LRP1B: variants seen among roughly 807,000 people sequenced by gnomAD.
LRP1B encodes LDL receptor related protein 1B, also known as low-density lipoprotein receptor-related protein 1B.
LRP1B carries 217 observed loss-of-function variants against 556.6 expected under a neutral mutation model. That is an observed-to-expected ratio of 0.39 (90% CI 0.35 to 0.44). The LOEUF is 0.44. LRP1B is among the 20% of genes least tolerant of loss of function. The pLI is 1.00. For synonymous variants in LRP1B, 2,047 were observed against 1,865.8 expected (o/e 1.10, Z -2.50); for missense variants, 5,053 against 5,620.8 (o/e 0.90, Z 3.23).
intron 7 of LRP1B, among the ~76,000 whole-genome samples, chr2:141,169,363 A>G (rs1222830105): frequency 6.6e-6 from 1 of 151,742 alleles, no homozygotes; most frequent in Non-Finnish European, 1.5e-5. Flanking sequence ...TATGTAAGGA[A>G]TAAGAAAAAA....
At chr2:141,720,338 G>C (rs1421973344) in intron 2 of LRP1B, among the ~76,000 whole-genome samples, 1 of 152,052 alleles carries the variant, frequency 6.6e-6, no homozygotes, top group Non-Finnish European at 1.5e-5. Context: ...TTAAAACTTT[G>C]TAACATATGT....
intron 62 of LRP1B, among the ~76,000 whole-genome samples, chr2:140,455,028 G>A (rs1320375826): frequency 6.6e-6 from 1 of 152,058 alleles, no homozygotes; most frequent in Admixed American, 6.6e-5. Context: ...GATTATTTTA[G>A]AATAACCTGG....
At chr2:141,990,510 CA>C (rs1702313010) in intron 1 of LRP1B, among the ~76,000 whole-genome samples, 1 of 151,904 alleles carries the variant, frequency 6.6e-6, no homozygotes, top group African/African-American at 2.4e-5. Flanking sequence ...AAGGAATTGA[CA>C]AGTTTTTTTA....
At chr2:141,980,227 C>T (rs551643486) in intron 1 of LRP1B, among the ~76,000 whole-genome samples, 1 of 152,092 alleles carries the variant, frequency 6.6e-6, no homozygotes, top group East Asian at 1.9e-4. Context: ...GTAAATCTGT[C>T]CTTGGCACTA....
chr2:141,600,369 A>G (rs963662234), intron 2 of LRP1B, among the ~76,000 whole-genome samples: 1 of 152,210 alleles, frequency 6.6e-6, no homozygotes, highest in African/African-American at 2.4e-5. Context: ...GTTGAGAAAC[A>G]TTGGTCAGAG....
At chr2:141,803,857 G>A (rs1164778380) in intron 2 of LRP1B, among the ~76,000 whole-genome samples, 1 of 152,120 alleles carries the variant, frequency 6.6e-6, no homozygotes, top group African/African-American at 2.4e-5. Flanking sequence ...TATCCAAGGG[G>A]AAAGGTCAGT....
intron 2 of LRP1B, among the ~76,000 whole-genome samples, chr2:141,739,644 A>G (rs1693622968): frequency 6.6e-6 from 1 of 151,732 alleles, no homozygotes; most frequent in Admixed American, 6.6e-5. Flanking sequence ...TAATAGAAAG[A>G]AAGTTGTTAG....
chr2:141,895,702 T>C (rs906503581), intron 1 of LRP1B, among the ~76,000 whole-genome samples: 2 of 152,238 alleles, frequency 1.3e-5, no homozygotes, highest in Non-Finnish European at 2.9e-5. Context: ...AACAATGATT[T>C]ATGCTATATA....
chr2:141,170,479 A>G (rs751799740), intron 7 of LRP1B, among the ~76,000 whole-genome samples: 20 of 152,092 alleles, frequency 1.3e-4, no homozygotes, highest in Non-Finnish European at 2.1e-4. Context: ...AGAAATGGCA[A>G]TATTTACCCA....
rs1193046191 is a variant in LRP1B, at chr2:140,297,791, GT to G, written c.12967+16del. The stretch of plus-strand genomic sequence containing the variant: ...CATAAACATCAAAGCTGGCTTCTGG[GT>G]GCTGCTTTTACTTACAGTACTGACA... On this transcript the variant is annotated intron_variant, in intron 84 of 90. Transcript: ENST00000389484. The G allele has an allele frequency of 6.3e-7, 1 of 1,598,142 alleles. No homozygotes were observed. The highest frequency in any genetic ancestry group is 1.1e-5 in the South Asian group (1 of 89,976).
chr2:140,529,437 G>T (rs536248330), intron 47 of LRP1B, among the ~76,000 whole-genome samples: 1 of 109,372 alleles, frequency 9.1e-6, no homozygotes, highest in African/African-American at 4.3e-5. Context: ...TGAAAAGGGG[G>T]GGGGGAAGCA....
chr2:141,205,990 A>G (rs1454391294), intron 6 of LRP1B, among the ~76,000 whole-genome samples: 1 of 152,212 alleles, frequency 6.6e-6, no homozygotes, highest in East Asian at 1.9e-4. Flanking sequence ...GGAGCAAACC[A>G]TAGACTGGGC....
At chr2:141,191,255 T>C (rs1681493179) in intron 6 of LRP1B, among the ~76,000 whole-genome samples, 1 of 151,990 alleles carries the variant, frequency 6.6e-6, no homozygotes, top group Non-Finnish European at 1.5e-5. Flanking sequence ...TGTATTTTTC[T>C]CTTGTTAATC....
At chr2:140,850,046 T>G (rs1692409104) in intron 29 of LRP1B, 56 bp downstream of exon 29, 1 of 1,092,816 alleles carries the variant, frequency 9.2e-7, no homozygotes, top group African/African-American at 1.6e-5. Flanking sequence ...GATTTGTGAT[T>G]ATTACAAACT....
chr2:141,876,503 C>T (rs2053174), intron 1 of LRP1B, among the ~76,000 whole-genome samples: 23,996 of 151,814 alleles, frequency 0.16, 1,975 homozygotes, highest in South Asian at 0.19. Context: ...CTTTCTGCAT[C>T]AGGAGAAAAG....
intron 31 of LRP1B, among the ~76,000 whole-genome samples, chr2:140,835,994 C>G (rs61670185): frequency 0.46 from 69,996 of 152,064 alleles, 18,129 homozygotes; most frequent in East Asian, 0.65. Flanking sequence ...TTGAACTTCC[C>G]TACATATATA....
At chr2:140,258,320 A>AT (rs1681786380) in intron 86 of LRP1B, among the ~76,000 whole-genome samples, 1 of 151,094 alleles carries the variant, frequency 6.6e-6, no homozygotes, top group Non-Finnish European at 1.5e-5. Flanking sequence ...AAAAAAAAAA[A>AT]TCCACCCTAA....
At chr2:141,703,290 C>T (rs763554222) in intron 2 of LRP1B, among the ~76,000 whole-genome samples, 116 of 151,814 alleles carry the variant, frequency 7.6e-4, no homozygotes, top group South Asian at 1.2e-3. Flanking sequence ...ACAAAGACAA[C>T]CAAGAAAGAC....
chr2:141,681,864 T>A (rs1248838011), intron 2 of LRP1B, among the ~76,000 whole-genome samples: 1 of 152,166 alleles, frequency 6.6e-6, no homozygotes, highest in Non-Finnish European at 1.5e-5. Context: ...TTCAATAGAA[T>A]TTGAGAAAGA....
Sources: gnomAD v4.1 joint callset for allele counts (sites outside exome capture counted in the v4.1 genomes callset) on GRCh38, gnomAD v4.1.1 for gene constraint, MANE v1.5 for transcripts, NCBI Gene and HGNC (gene_info 2026-07-23, HGNC 2026-07-21) for gene names.